Variants in EIPR1 observed in about 807,000 individuals in gnomAD.
EIPR1 encodes the protein EARP and GARP complex-interacting protein 1.
EIPR1 carries 25 observed loss-of-function variants against 48.1 expected under a neutral mutation model. That is an observed-to-expected ratio of 0.52 (90% confidence interval 0.38 to 0.73). EIPR1 has a LOEUF of 0.73. Ranked by LOEUF, EIPR1 falls within the 30% of genes least tolerant of loss-of-function variation. EIPR1 has a pLI of 0.00. For missense variants in EIPR1, 415 were observed against 506.2 expected, an observed-to-expected ratio of 0.82 and a Z score of 1.73; for synonymous variants, 204 against 201.9, an observed-to-expected ratio of 1.01 and a Z score of -0.09.
At chr2:3,327,276 C>T (rs1006748661) in intron 3 of EIPR1, among the ~76,000 whole-genome samples, 12 of 152,080 alleles carry the variant, frequency 7.9e-5, no homozygotes, top group Non-Finnish European at 1.5e-4. Flanking sequence ...CGCCACCTCC[C>T]GGGGTCAAGC....
At chr2:3,227,770 C>T (rs529324227) in intron 4 of EIPR1, among the ~76,000 whole-genome samples, 4 of 152,348 alleles carry the variant, frequency 2.6e-5, no homozygotes, top group African/African-American at 9.6e-5. Flanking sequence ...TGCCCTGCAT[C>T]CCAGCTGCTG....
chr2:3,289,201 C>T lies in EIPR1; in HGVS notation c.260-31746G>A, dbSNP rs530863326. 8.5e-5 allele frequency among the ~76,000 whole-genome samples: 13 copies of T among 152,250 alleles called. No homozygotes were observed. In the South Asian group the frequency reaches 2.5e-3, roughly 29 times the overall value. ...CCTCTTTGCCGCCTGCTTCCTGGAC[C>T]TCTCAGGGCTCGCTCTTCCTGTCTC... On this transcript the variant is annotated intron_variant, in intron 3 of 8. Transcript: ENST00000382125.
chr2:3,361,253 C>G (rs1016992466), intron 1 of EIPR1, among the ~76,000 whole-genome samples: 1 of 152,136 alleles, frequency 6.6e-6, no homozygotes, highest in African/African-American at 2.4e-5. Flanking sequence ...CTCACCTCCT[C>G]CATTTTGTAT....
chr2:3,262,906 G>A (rs1667377487), intron 3 of EIPR1, among the ~76,000 whole-genome samples: 1 of 152,116 alleles, frequency 6.6e-6, no homozygotes, highest in Non-Finnish European at 1.5e-5. Flanking sequence ...AAGTAGAGAC[G>A]GTGCACACAG....
intron 2 of EIPR1, among the ~76,000 whole-genome samples, chr2:3,344,625 G>C (rs1670346750): frequency 6.9e-6 from 1 of 143,960 alleles, no homozygotes; most frequent in Admixed American, 7.0e-5. Flanking sequence ...ACATATACTG[G>C]TTCTGGTTCT....
rs149921433 is a variant in EIPR1, at chr2:3,276,324, C to T, written c.260-18869G>A. On this transcript the variant is annotated intron_variant, in intron 3 of 8. Transcript: ENST00000382125. ...TAAATATTCATCTCCAGACAGAGAACGGATGATGTGGGAGCCCATGCTGAA... is the reference window on the plus strand; with the variant it reads ...TAAATATTCATCTCCAGACAGAGAATGGATGATGTGGGAGCCCATGCTGAA... 4.6e-4 allele frequency among the ~76,000 whole-genome samples: 70 copies of T among 152,342 alleles called. 1 individual carries two copies. The East Asian group carries it at 0.01, about 22-fold the overall frequency.
intron 3 of EIPR1, among the ~76,000 whole-genome samples, chr2:3,265,950 C>T (rs1869415): frequency 0.68 from 104,132 of 152,156 alleles, 36,006 homozygotes; most frequent in East Asian, 0.81. Flanking sequence ...GTTGCATCTT[C>T]AAAGCCAATT....
chr2:3,216,479 CAG>C (rs1285099119), intron 4 of EIPR1, among the ~76,000 whole-genome samples: 2 of 149,264 alleles, frequency 1.3e-5, no homozygotes, highest in Admixed American at 6.8e-5. Flanking sequence ...TCCAGAAAGG[CAG>C]AGATTCCCTT....
At chr2:3,272,848 C>T (rs116434869) in intron 3 of EIPR1, among the ~76,000 whole-genome samples, 2,093 of 152,286 alleles carry the variant, frequency 0.014, 45 homozygotes, top group African/African-American at 0.048. Flanking sequence ...GATACAACAT[C>T]TGAGAAGCAC....
At chr2:3,226,415 T>A (rs1197535431) in intron 4 of EIPR1, among the ~76,000 whole-genome samples, 1 of 152,236 alleles carries the variant, frequency 6.6e-6, no homozygotes, top group East Asian at 1.9e-4. Flanking sequence ...TATCTGTATG[T>A]CTTCTTTAGA....
intron 6 of EIPR1, among the ~76,000 whole-genome samples, 169 bp downstream of exon 6, chr2:3,196,712 T>C (rs553148512): frequency 2.0e-5 from 3 of 152,338 alleles, no homozygotes; most frequent in African/African-American, 7.2e-5. Flanking sequence ...GCTAGCTTAA[T>C]TTGGGGTGAA....
At chr2:3,322,975 A>G (rs1238663856) in intron 3 of EIPR1, among the ~76,000 whole-genome samples, 2 of 152,214 alleles carry the variant, frequency 1.3e-5, no homozygotes, top group African/African-American at 2.4e-5. Context: ...CACAGCCAAT[A>G]TATAAGCGAA....
intron 3 of EIPR1, among the ~76,000 whole-genome samples, chr2:3,337,328 T>G (rs144369406): frequency 9.2e-5 from 14 of 152,346 alleles, no homozygotes; most frequent in African/African-American, 3.4e-4. Flanking sequence ...TCATTCAGCC[T>G]GTGGGACAAA....
At chr2:3,292,365 G>A (rs1472786798) in intron 3 of EIPR1, among the ~76,000 whole-genome samples, 2 of 152,180 alleles carry the variant, frequency 1.3e-5, no homozygotes, top group Non-Finnish European at 2.9e-5. Context: ...TCACCACGCT[G>A]TTGGGGGGAC....
In EIPR1 at chr2:3,222,358, C is replaced by G. The variant is rs189472022; in HGVS notation, c.417-8110G>C. On this transcript the variant is annotated intron_variant, in intron 4 of 8. Coordinates refer to ENST00000382125, the MANE Select transcript of EIPR1 (RefSeq NM_003310.5). ...GCCTTGGCGTGGGCCAAGGGATATA[C>G]TTCTCTATGAAAAAGCTCATATTTC... is the stretch of plus-strand genomic sequence containing the variant. 6.6e-5 allele frequency among the ~76,000 whole-genome samples: 10 copies of G among 152,358 alleles called. No individual in the cohort carries two copies. The East Asian group carries it at 1.7e-3, about 26-fold the overall frequency.
At chr2:3,282,196 C>T (rs1262090369) in intron 3 of EIPR1, among the ~76,000 whole-genome samples, 2 of 152,208 alleles carry the variant, frequency 1.3e-5, no homozygotes, top group Non-Finnish European at 2.9e-5. Flanking sequence ...GGGTTGGTGT[C>T]GGCAACCATC....
Position 3,219,340 on chromosome 2 carries a change from T to C in EIPR1, c.417-5092A>G, listed in dbSNP as rs183315130. ...CACACTCAACACGACCCTGGTATAA[T>C]CTAGAGCATTCACAGTGACTCAGGT... On this transcript the variant is annotated intron_variant, in intron 4 of 8. Coordinates refer to ENST00000382125, the MANE Select transcript of EIPR1 (RefSeq NM_003310.5). Among the ~76,000 whole-genome samples, 306 of 148,560 alleles carry C rather than the reference T, an allele frequency of 2.1e-3. 23 individuals carry two copies. Among genetic ancestry groups the C allele is most frequent in the Admixed American group, 4.2e-3 (62 of 14,866 alleles).
At chr2:3,289,848 G>A (rs1175667665) in intron 3 of EIPR1, among the ~76,000 whole-genome samples, 2 of 152,188 alleles carry the variant, frequency 1.3e-5, no homozygotes, top group Non-Finnish European at 1.5e-5. Context: ...CTACATGCTT[G>A]CTCAGGCCAC....
chr2:3,256,454 G>A (rs949178833), intron 4 of EIPR1, among the ~76,000 whole-genome samples: 1 of 152,142 alleles, frequency 6.6e-6, no homozygotes, highest in Non-Finnish European at 1.5e-5. Context: ...TGTCACCTTG[G>A]TGTCCCTGGA....
Sources: allele counts gnomAD v4.1 joint callset (sites outside exome capture counted in the v4.1 genomes callset), GRCh38; gene constraint gnomAD v4.1.1; transcripts MANE v1.5; gene names NCBI Gene and HGNC (gene_info 2026-07-23, HGNC 2026-07-21).